Variants in LOC114841035 observed in about 807,000 individuals in gnomAD.
the LOC114841035 span, chr11:64,241,694 C>T: frequency 6.6e-6 from 1 of 152,350 alleles, no homozygotes; most frequent in Non-Finnish European, 1.5e-5. Context: ...CGGGGGTGGT[C>T]TCCGTGGTGG....
chr11:64,241,588 G>A, the LOC114841035 span: 1 of 152,754 alleles, frequency 6.5e-6, no homozygotes, highest in South Asian at 2.0e-4. Context: ...TCGAAGGCGG[G>A]GCTGCAGGCC....
the LOC114841035 span, chr11:64,243,383 G>T: frequency 6.2e-5 from 100 of 1,607,796 alleles, no homozygotes; most frequent in South Asian, 9.5e-4. Flanking sequence ...GCTGTGGGAG[G>T]CAAGCCCCAG....
chr11:64,243,988 G>A, the LOC114841035 span: 2 of 1,614,064 alleles, frequency 1.2e-6, no homozygotes, highest in Non-Finnish European at 1.7e-6. Flanking sequence ...CCTGGTGTTC[G>A]AGGTGGAGCT....
At chr11:64,242,314 C>T in the LOC114841035 span, 2 of 1,382,536 alleles carry the variant, frequency 1.4e-6, no homozygotes, top group Non-Finnish European at 1.9e-6. Flanking sequence ...CCTCCTGTTA[C>T]CTACCCGTGT....
the LOC114841035 span, chr11:64,242,261 A>C: frequency 1.0e-6 from 1 of 992,840 alleles, no homozygotes; most frequent in Non-Finnish European, 1.4e-6. Context: ...ACCCGGGACA[A>C]AGGGGATCCC....
chr11:64,242,295 CG>C, the LOC114841035 span: 1 of 1,253,072 alleles, frequency 8.0e-7, no homozygotes, highest in Non-Finnish European at 1.1e-6. Context: ...GATACAGTGG[CG>C]GTGGAACCCT....
the LOC114841035 span, chr11:64,243,216 GAC>G: frequency 6.2e-7 from 1 of 1,613,696 alleles, no homozygotes; most frequent in South Asian, 1.1e-5. Context: ...TGGAAGATGG[GAC>G]AGAGTTTGAC....
At chr11:64,244,052 G>GA in the LOC114841035 span, 3 of 1,611,028 alleles carry the variant, frequency 1.9e-6, no homozygotes, top group Admixed American at 1.7e-5. Flanking sequence ...GGGGCAGGGG[G>GA]AGAGGCCCCC....
chr11:64,242,102 G>C, the LOC114841035 span: 3 of 361,934 alleles, frequency 8.3e-6, no homozygotes, highest in South Asian at 1.4e-4. Context: ...GACTGGGAGG[G>C]AGGGAAGGTA....
chr11:64,241,116 G>C, the LOC114841035 span: 2 of 152,696 alleles, frequency 1.3e-5, no homozygotes, highest in Non-Finnish European at 2.9e-5. Context: ...GGTTGACTCC[G>C]GGGGCGCGGC....
At chr11:64,242,059 A>G in the LOC114841035 span, 12 of 248,462 alleles carry the variant, frequency 4.8e-5, no homozygotes, top group Non-Finnish European at 3.1e-5. Flanking sequence ...CTTTGCGTAA[A>G]GGGACAGGCG....
At chr11:64,243,350 C>T in the LOC114841035 span, 2 of 1,596,346 alleles carry the variant, frequency 1.3e-6, no homozygotes, top group East Asian at 4.5e-5. Flanking sequence ...TGGGGGCGTG[C>T]ATGGCCACCG....
At chr11:64,242,354 C>A in the LOC114841035 span, 1 of 1,474,786 alleles carries the variant, frequency 6.8e-7, no homozygotes, top group South Asian at 1.4e-5. Context: ...CCCCCACGTT[C>A]AGTCGGTCGG....
chr11:64,242,402 G>A, the LOC114841035 span: 1 of 1,544,428 alleles, frequency 6.5e-7, no homozygotes, highest in Non-Finnish European at 8.7e-7. Flanking sequence ...GGCTGAGCTG[G>A]TTCCGGGTCC....
the LOC114841035 span, chr11:64,242,518 T>C: frequency 6.4e-7 from 1 of 1,551,860 alleles, no homozygotes; most frequent in Non-Finnish European, 8.7e-7. Flanking sequence ...CACTGTCCCA[T>C]CAAATCGCGC....
At chr11:64,243,057 G>C in the LOC114841035 span, 1 of 695,404 alleles carries the variant, frequency 1.4e-6, no homozygotes, top group Non-Finnish European at 2.5e-6. Context: ...TGGCAACAGA[G>C]ACTCCATCTC....
the LOC114841035 span, chr11:64,244,013 G>T: frequency 1.9e-6 from 3 of 1,613,862 alleles, no homozygotes; most frequent in Non-Finnish European, 2.5e-6. Context: ...AAAATAGAGC[G>T]ACGAACTGAG....
the LOC114841035 span, chr11:64,243,572 T>C: frequency 6.4e-7 from 1 of 1,550,572 alleles, no homozygotes; most frequent in Non-Finnish European, 8.9e-7. Flanking sequence ...GCTTCAGCTT[T>C]TCATTGGTCT....
At chr11:64,243,603 A>G in the LOC114841035 span, 2 of 1,412,084 alleles carry the variant, frequency 1.4e-6, no homozygotes, top group South Asian at 1.2e-5. Context: ...CATTCATTAC[A>G]ATACATGCCT....
Sources: allele counts gnomAD v4.1 joint callset, GRCh38; gene constraint gnomAD v4.1.1; transcripts MANE v1.5.